NDUFS7: variants seen among roughly 807,000 people sequenced by gnomAD.
NDUFS7 encodes the protein NADH dehydrogenase [ubiquinone] iron-sulfur protein 7, mitochondrial.
Under a neutral mutation model 31.1 loss-of-function variants are expected in NDUFS7, and 11 were observed. The ratio of observed to expected loss-of-function variants is 0.35; its 90% confidence interval spans 0.22 to 0.59. The LOEUF (loss-of-function observed/expected upper bound fraction) is 0.59. NDUFS7 is among the 20% of genes least tolerant of loss of function. NDUFS7 has a pLI of 0.79. For synonymous variants in NDUFS7, 136 were observed against 127.9 expected, an observed-to-expected ratio of 1.06 and a Z score of -0.43; for missense variants, 263 against 324.2, an observed-to-expected ratio of 0.81 and a Z score of 1.45.
Position 1,388,956 on chromosome 19 carries a change from TAGGCCCTCCTCGAGCGCC to T in NDUFS7, c.228+22_228+39del. 6.3e-7 allele frequency: 1 copy of T among 1,587,958 alleles called. No individual in the cohort carries two copies. The highest frequency in any genetic ancestry group is 8.6e-7 in the Non-Finnish European group (1 of 1,165,878). On this transcript the variant is annotated intron_variant, in intron 4 of 7. Transcript: ENST00000233627. Reference sequence around the variant, plus strand: ...CCCGCCGGGTGAGTACTATGAGCTGTAGGCCCTCCTCGAGCGCCAGGGCCTCTCTGCACACTCACAGGC... The same window carrying T: ...CCCGCCGGGTGAGTACTATGAGCTGTAGGGCCTCTCTGCACACTCACAGGC...
At chr19:1,387,632 G>A in intron 1 of NDUFS7, 179 bp from the exon 2 acceptor site, 1 of 650,790 alleles carries the variant, frequency 1.5e-6, no homozygotes, top group Non-Finnish European at 2.8e-6. Context: ...GTCTCAAGCA[G>A]GGGACTAAGA....
At chr19:1,390,437 G>A (rs2082547118) in intron 4 of NDUFS7, 1 of 270,890 alleles carries the variant, frequency 3.7e-6, no homozygotes, top group South Asian at 4.1e-5. Flanking sequence ...GGAGGAGAGG[G>A]GAGGGAGTGG....
chr19:1,383,956 C>G lies in NDUFS7; in HGVS notation c.16+14C>G. On this transcript the variant is annotated intron_variant, in intron 1 of 7. Transcript: ENST00000233627. ...CGGTGCTGTCAGGTGAGCGCGGCAC[C>G]GGCGGCGGGTGTGGGGCCGCGCGGG... 1 of 1,566,044 alleles carries G rather than the reference C, an allele frequency of 6.4e-7. No homozygotes were observed. Among genetic ancestry groups the G allele is most frequent in the Non-Finnish European group, 8.6e-7 (1 of 1,157,674 alleles).
chr19:1,388,557 G>T lies in NDUFS7; in HGVS notation c.86G>T (p.Gly29Val), dbSNP rs777495370. ...GTGGGCCCGGCTGTGCAGGCACGAG[G>T]TGTCCATCAGAGCGTGGCCACCGAT... The part of the protein sequence containing the change: ...SSVGPAVQAR[G>V]VHQSVATDGP... Residue 29 changes from glycine (G) to valine (V), a missense_variant, in exon 3 of 8, where the codon GGT becomes GTT. Gly to Val is a moderately radical substitution (Grantham distance 109, BLOSUM62 -3). Coordinates refer to ENST00000233627, the MANE Select transcript of NDUFS7 (RefSeq NM_024407.5). 29 of 1,611,938 alleles carry T rather than the reference G, an allele frequency of 1.8e-5. No individual in the cohort carries two copies. In the Admixed American group the frequency reaches 4.7e-4, roughly 26 times the overall value.
chr19:1,391,908 G>C (rs1212072542), intron 6 of NDUFS7: 1 of 151,814 alleles, frequency 6.6e-6, no homozygotes, highest in Non-Finnish European at 1.5e-5. Context: ...GAGTGCAGTG[G>C]CACGATCTCA....
At position 1,393,007 on chromosome 19, in the gene NDUFS7, C is replaced by T. The variant is rs369031160; in HGVS notation, c.456-235C>T. On this transcript the variant is annotated intron_variant, in intron 6 of 7. Coordinates refer to ENST00000233627, the MANE Select transcript of NDUFS7 (RefSeq NM_024407.5). This position sits in a 1 kb window ranked among gnomAD's most constrained non-coding sequence, Gnocchi z 7.3. ...GGGAATCGGTGGTCAGGAGCCCCCTCGGGAGGGGAGCACTTTTCCCCGAGT... is the reference window on the plus strand; with the variant it reads ...GGGAATCGGTGGTCAGGAGCCCCCTTGGGAGGGGAGCACTTTTCCCCGAGT... 5 of 592,834 alleles carry T rather than the reference C, an allele frequency of 8.4e-6. No homozygotes were observed. Among genetic ancestry groups the T allele is most frequent in the South Asian group, 2.0e-5 (1 of 50,812 alleles). 36.7% of individuals were successfully genotyped at this position (592,834 alleles called of 1,614,324 possible).
chr19:1,390,835 C>T lies in NDUFS7; in HGVS notation c.229-36C>T, dbSNP rs570260277. The stretch of plus-strand genomic sequence containing the variant: ...TCTCACGCTGGGCCACGCGGGGCTC[C>T]GGGGGTGGCGTCTGACCCGAGCCCG... On this transcript the variant is annotated intron_variant, in intron 4 of 7. Coordinates refer to ENST00000233627, the MANE Select transcript of NDUFS7 (RefSeq NM_024407.5). 6.3e-6 allele frequency: 10 copies of T among 1,598,552 alleles called. No individual in the cohort carries two copies. The East Asian group carries it at 9.0e-5, about 14-fold the overall frequency.
At position 1,393,426 on chromosome 19, in the gene NDUFS7, G is replaced by A; in HGVS notation, c.544+96G>A. 2.0e-6 allele frequency: 2 copies of A among 1,022,942 alleles called. No individual in the cohort carries two copies. Among genetic ancestry groups the A allele is most frequent in the South Asian group, 2.7e-5 (2 of 73,724 alleles). 63.4% of individuals were successfully genotyped at this position (1,022,942 alleles called of 1,614,324 possible). On this transcript the variant is annotated intron_variant, in intron 7 of 7. Transcript: ENST00000233627. The surrounding 1 kb of genome is among the most constrained non-coding windows in gnomAD (Gnocchi z 7.3). ...CCTGTGAGGGAGTCCCACACCCCCA[G>A]CAGACGGCGGGCTCCCCCATCCTAT...
chr19:1,393,015 G>T lies in NDUFS7; in HGVS notation c.456-227G>T. 1.7e-6 allele frequency: 1 copy of T among 598,802 alleles called. No individual in the cohort carries two copies. The highest frequency in any genetic ancestry group is 2.0e-5 in the South Asian group (1 of 51,150). The allele number at this position is 598,802 out of a possible 1,614,324, so 37.1% of individuals were successfully genotyped here. On this transcript the variant is annotated intron_variant, in intron 6 of 7. Coordinates refer to ENST00000233627, the MANE Select transcript of NDUFS7 (RefSeq NM_024407.5). The surrounding 1 kb of genome is among the most constrained non-coding windows in gnomAD (Gnocchi z 7.3). ...GTGGTCAGGAGCCCCCTCGGGAGGG[G>T]AGCACTTTTCCCCGAGTTATCAGCC... is the stretch of plus-strand genomic sequence containing the variant.
chr19:1,395,015 G>A (rs963271259), intron 7 of NDUFS7: 44 of 1,151,356 alleles, frequency 3.8e-5, no homozygotes, highest in South Asian at 1.9e-4. Context: ...CTCCATCTCC[G>A]TCCAGGGCAG....
At chr19:1,389,470 T>G (rs916084790) in intron 4 of NDUFS7, 2 of 457,576 alleles carry the variant, frequency 4.4e-6, no homozygotes, top group African/African-American at 4.0e-5. Flanking sequence ...TGTGCTGGCC[T>G]GGTGGCCTGT....
rs1183778309 is a variant in NDUFS7 at position 1,394,436 on chromosome 19, T to C, written c.545-955T>C. The C allele has an allele frequency of 1.8e-5, 23 of 1,277,978 alleles. No homozygotes were observed. The East Asian group carries it at 1.3e-3, about 70-fold the overall frequency. The allele number at this position is 1,277,978 out of a possible 1,614,324, so 79.2% of individuals were successfully genotyped here. The stretch of plus-strand genomic sequence containing the variant: ...CTTGCAGACTGAGCTCCTCCCTCCC[T>C]GGGGACCGCGCTCCTCCCTCCCTGC... On this transcript the variant is annotated intron_variant, in intron 7 of 7. Coordinates refer to ENST00000233627, the MANE Select transcript of NDUFS7 (RefSeq NM_024407.5).
intron 6 of NDUFS7, among the ~76,000 whole-genome samples, chr19:1,391,585 C>A (rs140974983): frequency 0.022 from 3,236 of 149,840 alleles, 55 homozygotes; most frequent in Non-Finnish European, 0.033. Context: ...CTCCCAGGTT[C>A]AAGCAATTTT....
intron 6 of NDUFS7, 78 bp downstream of exon 6, chr19:1,391,243 A>C: frequency 6.6e-7 from 1 of 1,519,164 alleles, no homozygotes; most frequent in Non-Finnish European, 9.0e-7. Flanking sequence ...GGCGCTTATC[A>C]AAAGTGTCAT....
chr19:1,389,845 G>A (rs972508542), intron 4 of NDUFS7: 65 of 308,646 alleles, frequency 2.1e-4, no homozygotes, highest in African/African-American at 8.5e-4. Context: ...TGCCAGGGCC[G>A]CAGTGGTCGA....
intron 7 of NDUFS7, chr19:1,394,489 G>A (rs550693291): frequency 2.6e-5 from 33 of 1,262,252 alleles, no homozygotes; most frequent in Middle Eastern, 2.3e-4. Flanking sequence ...TGGGGACTGC[G>A]CTCCTCCCTC....
intron 4 of NDUFS7, 78 bp downstream of exon 4, chr19:1,389,016 C>A: frequency 8.3e-7 from 1 of 1,198,342 alleles, no homozygotes; most frequent in Non-Finnish European, 1.2e-6. Flanking sequence ...ATACACACAC[C>A]AACGTGCAGA....
chr19:1,389,180 C>T (rs1027340703), intron 4 of NDUFS7: 3 of 693,436 alleles, frequency 4.3e-6, no homozygotes, highest in South Asian at 3.0e-5. Flanking sequence ...CACACACATG[C>T]ACACACAAGC....
At chr19:1,394,816 C>T (rs1341083225) in intron 7 of NDUFS7, 12 of 1,169,646 alleles carry the variant, frequency 1.0e-5, no homozygotes, top group Non-Finnish European at 1.3e-5. Context: ...GTTTCCACTC[C>T]TGCTGTCCCC....
Sources: allele counts gnomAD v4.1 joint callset (sites outside exome capture counted in the v4.1 genomes callset), GRCh38; gene constraint gnomAD v4.1.1; non-coding constraint Gnocchi (gnomAD v3.1); transcripts MANE v1.5; gene names NCBI Gene and HGNC (gene_info 2026-07-23, HGNC 2026-07-21).